Variants in COL27A1 observed in about 807,000 individuals in gnomAD.
COL27A1 encodes the protein collagen alpha-1(XXVII) chain.
COL27A1 carries 106 observed loss-of-function variants against 251.3 expected under a neutral mutation model. That is an observed-to-expected ratio of 0.42 (90% confidence interval 0.36 to 0.50). The LOEUF (loss-of-function observed/expected upper bound fraction) is 0.50. Ranked by LOEUF, COL27A1 falls within the 20% of genes least tolerant of loss-of-function variation. The pLI is 0.00. For synonymous variants in COL27A1, 1,000 were observed against 986.3 expected (o/e 1.01, Z -0.26); for missense variants, 2,325 against 2,522.8 (o/e 0.92, Z 1.68).
In COL27A1 at chr9:114,155,994, C is replaced by T. The variant is rs1403458609; in HGVS notation, c.44C>T (p.Ala15Val). 2 of 1,295,138 alleles carry T rather than the reference C, an allele frequency of 1.5e-6. No homozygotes were observed. 80.2% of individuals were successfully genotyped at this position (1,295,138 alleles called of 1,614,324 possible). A position where few individuals can be genotyped will look rare whatever the true frequency, so the allele number is the denominator to read the frequency against. The change falls in exon 1 of 61, where the codon GCG (alanine) becomes GTG (valine). Residue 15 changes from alanine (A) to valine (V), a missense_variant. This residue lies in a region of COL27A1 where 1,183 missense variants were observed against 1,144.1 expected (regional missense o/e 1.03). Transcript: ENST00000356083. This position sits in a 1 kb window ranked among gnomAD's most constrained non-coding sequence, Gnocchi z 5.5. The stretch of plus-strand genomic sequence containing the variant: ...CGGGGGGCCCGAGGCACAGCGGCGG[C>T]GGCGGCGGCGCGCGGGGGGTGAGTA... ...SARGARGTAA[A>V]AAARGGGFLF...
At chr9:114,253,555 G>A (rs567961683) in intron 27 of COL27A1, among the ~76,000 whole-genome samples, 92 of 152,158 alleles carry the variant, frequency 6.0e-4, no homozygotes, top group African/African-American at 2.1e-3. Context: ...AAAGAATAAG[G>A]GTTAGGAGTT....
rs1419653042 is a variant in COL27A1, at chr9:114,311,247, G to A, written c.*552G>A. 2.0e-5 allele frequency: 3 copies of A among 151,888 alleles called. No individual in the cohort carries two copies. The allele number at this position is 151,888 out of a possible 1,614,324, so 9.4% of individuals were successfully genotyped here. A position where few individuals can be genotyped will look rare whatever the true frequency, so the allele number is the denominator to read the frequency against. On this transcript the variant is annotated 3_prime_UTR_variant, in exon 61 of 61. Transcript: ENST00000356083. ...GGAGCAGCCAGGCGTGGGAAGCGGC[G>A]AGATCCTCGGGCTGGGGGTGCCCAC...
intron 37 of COL27A1, among the ~76,000 whole-genome samples, chr9:114,281,875 G>T (rs763361468): frequency 6.6e-6 from 1 of 152,154 alleles, no homozygotes; most frequent in Non-Finnish European, 1.5e-5. Flanking sequence ...CAAGGTCGTT[G>T]GGAGGGTGGA....
In COL27A1 at chr9:114,183,066, T is replaced by G. The variant is rs1307968839; in HGVS notation, c.2007T>G (p.Pro669=). ...GAAATCCAGGTCTCCCCGGCCCTCC[T>G]GGAGCCAAAGTGAGTATTTGCTGGA... ...PYGNPGLPGP[P]GAKGQKGDPG... is the part of the protein sequence containing the mutation. The change falls in exon 5 of 61, where the codon CCT becomes CCG. Residue 669 remains proline (P), a synonymous_variant. Transcript: ENST00000356083. 12 of 1,613,232 alleles carry G rather than the reference T, an allele frequency of 7.4e-6. No homozygotes were observed. In the East Asian group the frequency reaches 2.7e-4, roughly 36 times the overall value.
intron 13 of COL27A1, among the ~76,000 whole-genome samples, chr9:114,220,480 T>A (rs1201231962): frequency 6.6e-6 from 1 of 152,210 alleles, no homozygotes; most frequent in Non-Finnish European, 1.5e-5. Context: ...TGGTGGCTGC[T>A]GCGTTCATAA....
rs1829391987 is a variant in COL27A1 at position 114,310,750 on chromosome 9, A to AG, written c.*59dup. 1 of 1,600,070 alleles carries AG rather than the reference A, an allele frequency of 6.2e-7. No homozygotes were observed. Among genetic ancestry groups the AG allele is most frequent in the African/African-American group, 1.3e-5 (1 of 74,638 alleles). On this transcript the variant is annotated 3_prime_UTR_variant, in exon 61 of 61. Coordinates refer to ENST00000356083, the MANE Select transcript of COL27A1 (RefSeq NM_032888.4). ...ACGGAGGAGGGAAGAGGAAGAGGCA[A>AG]GGGGAGGGTACTGAGGGGCAGATGG...
chr9:114,240,168 A>G, intron 19 of COL27A1, 52 bp from the exon 20 acceptor site: 1 of 1,498,282 alleles, frequency 6.7e-7, no homozygotes, highest in Non-Finnish European at 9.3e-7. Flanking sequence ...GCATCCCCGT[A>G]GCACTCCCTT....
At chr9:114,300,221 C>T in intron 50 of COL27A1, 98 bp downstream of exon 50, 1 of 1,305,142 alleles carries the variant, frequency 7.7e-7, no homozygotes, top group Non-Finnish European at 1.1e-6. Context: ...GCACTGAAAA[C>T]ATTGGCTGGA....
At chr9:114,222,112 G>A in intron 13 of COL27A1, 111 bp from the exon 14 acceptor site, 1 of 901,664 alleles carries the variant, frequency 1.1e-6, no homozygotes, top group East Asian at 2.4e-5. Flanking sequence ...GGAATAAGGA[G>A]TGTTCAGCTC....
Position 114,300,081 on chromosome 9 carries a change from C to A in COL27A1, c.4596C>A (p.Gly1532=). The A allele has an allele frequency of 1.2e-6, 2 of 1,614,126 alleles. No individual in the cohort carries two copies. The highest frequency in any genetic ancestry group is 3.3e-5 in the Admixed American group (2 of 60,020). The change falls in exon 50 of 61, where the codon GGC becomes GGA. Residue 1532 remains glycine, a synonymous_variant. Transcript: ENST00000356083. ...PGSKGQPGDS[G]EMGFPGMAGL... ...TGTTCTTCCTGCAGGGCGACTCTGG[C>A]GAGATGGGCTTCCCAGGAATGGCAG...
rs569679340 is a variant in COL27A1, at chr9:114,229,810, A to G, written c.2467-1269A>G. Among the ~76,000 whole-genome samples the G allele has an allele frequency of 2.0e-5, 3 of 152,310 alleles. No individual in the cohort carries two copies. The East Asian group carries it at 5.8e-4, about 29-fold the overall frequency. On this transcript the variant is annotated intron_variant, in intron 14 of 60. Transcript: ENST00000356083. ...TGAGGGAGAAAGCGTAGGCTGGTTA[A>G]GAGAAAAGTCAGCCGCTTCTTCACT...
chr9:114,181,488 C>T (rs1256259238), intron 4 of COL27A1, among the ~76,000 whole-genome samples: 1 of 152,172 alleles, frequency 6.6e-6, no homozygotes, highest in African/African-American at 2.4e-5. Flanking sequence ...GAAAGCAGTT[C>T]ACACACAGTT....
At position 114,300,637 on chromosome 9, in the gene COL27A1, G is replaced by A; in HGVS notation, c.4651G>A (p.Asp1551Asn). The A allele has an allele frequency of 6.5e-7, 1 of 1,534,962 alleles. No individual in the cohort carries two copies. The highest frequency in any genetic ancestry group is 8.7e-7 in the Non-Finnish European group (1 of 1,144,444). The change falls in exon 51 of 61, where the codon GAC becomes AAC. Residue 1551 changes from aspartate (D) to asparagine (N), a missense_variant. Asp to Asn is a conservative substitution (Grantham distance 23). Around this residue, in one of 4 missense-constraint regions of COL27A1, gnomAD observed 327 missense variants for 442.8 expected, o/e 0.74. Coordinates refer to ENST00000356083, the MANE Select transcript of COL27A1 (RefSeq NM_032888.4). ...GLFGPKGPPG[D>N]IGFKGIQGPR... ...CTGCCTCCCACAGGGCCCGCCTGGA[G>A]ACATTGGCTTCAAAGGCATCCAGGG...
At chr9:114,235,509 C>A in intron 16 of COL27A1, 90 bp from the exon 17 acceptor site, 1 of 981,834 alleles carries the variant, frequency 1.0e-6, no homozygotes, top group South Asian at 1.3e-5. Flanking sequence ...ACAGCCTCGG[C>A]ACAGCTGTAC....
chr9:114,269,352 G>T, intron 35 of COL27A1, 58 bp downstream of exon 35: 1 of 1,259,570 alleles, frequency 7.9e-7, no homozygotes, highest in Non-Finnish European at 1.1e-6. Context: ...GTGCCGCAGG[G>T]GAAGAGACCG....
intron 5 of COL27A1, among the ~76,000 whole-genome samples, chr9:114,184,218 C>T (rs1355306883): frequency 6.6e-6 from 1 of 152,210 alleles, no homozygotes; most frequent in Non-Finnish European, 1.5e-5. Context: ...TTGGTTGGGC[C>T]AGGTCCCGGG....
chr9:114,203,702 G>A (rs1322133730), intron 7 of COL27A1, among the ~76,000 whole-genome samples: 2 of 152,166 alleles, frequency 1.3e-5, no homozygotes, highest in Admixed American at 6.5e-5. Context: ...TGACTCTGCT[G>A]TTTATAATAA....
At chr9:114,267,142 G>C (rs2636859) in intron 33 of COL27A1, among the ~76,000 whole-genome samples, 65,248 of 152,088 alleles carry the variant, frequency 0.43, 14,821 homozygotes, top group African/African-American at 0.58. Flanking sequence ...AGAGAGAAGG[G>C]TTAGAATCAC....
At chr9:114,165,360 C>T (rs1848757695) in intron 2 of COL27A1, among the ~76,000 whole-genome samples, 1 of 152,020 alleles carries the variant, frequency 6.6e-6, no homozygotes, top group Non-Finnish European at 1.5e-5. Flanking sequence ...TCCATCCATC[C>T]ATCCATTCAT....
Sources: gnomAD v4.1 joint callset for allele counts (sites outside exome capture counted in the v4.1 genomes callset) on GRCh38, gnomAD v4.1.1 for gene constraint, gnomAD v4.1.1 regional missense constraint, Gnocchi (gnomAD v3.1) non-coding constraint, MANE v1.5 for transcripts, NCBI Gene and HGNC (gene_info 2026-07-23, HGNC 2026-07-21) for gene names.